The following JPH3 variants were observed in gnomAD, a reference collection of about 807,000 sequenced individuals.
JPH3 encodes junctophilin 3.
In JPH3, 11 loss-of-function variants were observed where a neutral mutation model predicts 59.6. That is an observed-to-expected ratio of 0.18 (90% CI 0.12 to 0.31). The LOEUF is 0.31. Among genes scored for constraint, JPH3 ranks in the 10% least tolerant of loss-of-function variants. The pLI, the probability that JPH3 is intolerant of heterozygous loss-of-function variation, is 1.00. For missense variants in JPH3, 1,202 were observed against 1,105.7 expected (o/e 1.09, Z -1.24); for synonymous variants, 673 against 483.6 (o/e 1.39, Z -5.14).
intron 1 of JPH3, among the ~76,000 whole-genome samples, chr16:87,641,092 C>T (rs1307963134): frequency 6.6e-6 from 1 of 152,244 alleles, no homozygotes; most frequent in African/African-American, 2.4e-5. Flanking sequence ...TCAGCTGCCC[C>T]CTCTGCCTCC....
At chr16:87,630,540 T>C (rs1205805028) in intron 1 of JPH3, among the ~76,000 whole-genome samples, 1 of 152,214 alleles carries the variant, frequency 6.6e-6, no homozygotes, top group Non-Finnish European at 1.5e-5. Flanking sequence ...GAGCCTTAGT[T>C]TCTGTGGCTG....
chr16:87,652,022 T>C (rs1194238497), intron 2 of JPH3, among the ~76,000 whole-genome samples: 1 of 151,550 alleles, frequency 6.6e-6, no homozygotes, highest in Admixed American at 6.6e-5. Flanking sequence ...TTGCCCAGGC[T>C]GGAGTGCAGT....
chr16:87,661,136 G>A (rs779619038), intron 2 of JPH3, among the ~76,000 whole-genome samples: 34 of 152,184 alleles, frequency 2.2e-4, no homozygotes, highest in Non-Finnish European at 3.4e-4. Flanking sequence ...GGCCGCCTGC[G>A]TTCCTTGGCT....
At chr16:87,668,205 C>T (rs1036794581) in intron 2 of JPH3, among the ~76,000 whole-genome samples, 12 of 152,364 alleles carry the variant, frequency 7.9e-5, no homozygotes, top group African/African-American at 2.9e-4. Flanking sequence ...GCTCTGGCCT[C>T]TTCACCAGCC....
chr16:87,615,280 G>C (rs1246461475), intron 1 of JPH3, among the ~76,000 whole-genome samples: 4 of 152,232 alleles, frequency 2.6e-5, no homozygotes, highest in Non-Finnish European at 5.9e-5. Flanking sequence ...GATTCCTATA[G>C]ACCTGGTGGA....
chr16:87,691,146 C>T (rs1183064488), intron 4 of JPH3, among the ~76,000 whole-genome samples: 1 of 152,114 alleles, frequency 6.6e-6, no homozygotes, highest in Non-Finnish European at 1.5e-5. Context: ...CAGCGTCCCC[C>T]TGGGCTAGAC....
At chr16:87,620,764 C>T (rs927284517) in intron 1 of JPH3, among the ~76,000 whole-genome samples, 9 of 152,238 alleles carry the variant, frequency 5.9e-5, no homozygotes, top group African/African-American at 1.9e-4. Flanking sequence ...TTCCCAAGGC[C>T]ACACGGTTCT....
chr16:87,696,753 G>A lies in JPH3; in HGVS notation c.*93G>A, dbSNP rs1221754000. On this transcript the variant is annotated 3_prime_UTR_variant, in exon 5 of 5. Coordinates refer to ENST00000284262, the MANE Select transcript of JPH3 (RefSeq NM_020655.4). ...CACAAGAAGGGAAAGACCGCAACTCGGACAGCCCAGCGACTTCCAAGTCCT... is the reference window on the plus strand; with the variant it reads ...CACAAGAAGGGAAAGACCGCAACTCAGACAGCCCAGCGACTTCCAAGTCCT... 1.2e-5 allele frequency: 12 copies of A among 1,001,062 alleles called. No homozygotes were observed. The highest frequency in any genetic ancestry group is 3.2e-5 in the African/African-American group (2 of 62,946). The allele number at this position is 1,001,062 out of a possible 1,614,324, so 62.0% of individuals were successfully genotyped here.
chr16:87,642,899 A>G (rs915197362), intron 1 of JPH3, among the ~76,000 whole-genome samples: 3 of 152,192 alleles, frequency 2.0e-5, no homozygotes, highest in African/African-American at 7.2e-5. Flanking sequence ...GTGGTAAGAG[A>G]AATACAGAAT....
chr16:87,671,475 G>A (rs897196360), intron 2 of JPH3, among the ~76,000 whole-genome samples: 2 of 152,186 alleles, frequency 1.3e-5, no homozygotes, highest in African/African-American at 2.4e-5. Context: ...CCTGGGTGGC[G>A]GCCGCTGTGC....
At chr16:87,663,994 G>C (rs1403613047) in intron 2 of JPH3, among the ~76,000 whole-genome samples, 4 of 152,186 alleles carry the variant, frequency 2.6e-5, no homozygotes, top group Non-Finnish European at 5.9e-5. Context: ...TGAGGGAATG[G>C]CCTTGTTTTG....
Position 87,643,823 on chromosome 16 carries a change from A to C in JPH3, c.383-435A>C, listed in dbSNP as rs1193308114. On this transcript the variant is annotated intron_variant, in intron 1 of 4. Transcript: ENST00000284262. ...AAGGTACCATGGTCTGTCTGCCTCC[A>C]CGCAAACCTCACCAGGTTTCATCAA... Among the ~76,000 whole-genome samples, 3 of 151,228 alleles carry C rather than the reference A, an allele frequency of 2.0e-5. No homozygotes were observed. The East Asian group carries it at 5.9e-4, about 30-fold the overall frequency.
At chr16:87,674,131 G>A (rs2033086258) in intron 2 of JPH3, among the ~76,000 whole-genome samples, 1 of 151,654 alleles carries the variant, frequency 6.6e-6, no homozygotes, top group Non-Finnish European at 1.5e-5. Context: ...TCAGGAGATC[G>A]AGACCATCCT....
At chr16:87,617,142 G>GAGCCTGAGGCAGGAGAATCACTTT (rs936158274) in intron 1 of JPH3, among the ~76,000 whole-genome samples, 6 of 152,202 alleles carry the variant, frequency 3.9e-5, no homozygotes, top group Admixed American at 3.9e-4. Context: ...AGAATCACTT[G>GAGCCTGAGGCAGGAGAATCACTTT]AGCCTGGGAG....
chr16:87,645,263 G>C (rs866696081), intron 2 of JPH3, among the ~76,000 whole-genome samples: 1 of 152,226 alleles, frequency 6.6e-6, no homozygotes, highest in Admixed American at 6.5e-5. Context: ...TGGGGGTGTA[G>C]AGGCCTACAG....
Position 87,603,077 on chromosome 16 carries a change from C to T in JPH3, c.-70C>T, listed in dbSNP as rs1313614679. 1.3e-6 allele frequency: 2 copies of T among 1,588,768 alleles called. No individual in the cohort carries two copies. The highest frequency in any genetic ancestry group is 4.5e-5 in the East Asian group (2 of 44,226). On this transcript the variant is annotated 5_prime_UTR_variant, in exon 1 of 5. Transcript: ENST00000284262. ...CTCGCGACCCAGGGCCGCCGGCGGC[C>T]GCGACTCTGCTGTGTCGATCGCCTG...
chr16:87,669,793 C>T (rs1027005974), intron 2 of JPH3, among the ~76,000 whole-genome samples: 1 of 152,160 alleles, frequency 6.6e-6, no homozygotes, highest in African/African-American at 2.4e-5. Context: ...TCACTGCTGA[C>T]GTGAGTGCGG....
intron 2 of JPH3, among the ~76,000 whole-genome samples, chr16:87,661,627 A>T (rs1444176543): frequency 6.6e-6 from 1 of 152,160 alleles, no homozygotes; most frequent in African/African-American, 2.4e-5. Flanking sequence ...ACCCCACTTT[A>T]TCCGGAAGGC....
Position 87,673,496 on chromosome 16 carries a change from T to A in JPH3, c.1161-10646T>A, listed in dbSNP as rs185041549. On this transcript the variant is annotated intron_variant, in intron 2 of 4. Transcript: ENST00000284262. ...TTCAACAGCGGCACTTCTGGAAGTATCTTCTGAAGATGGATTTGTGTGTGA... is the reference window on the plus strand; with the variant it reads ...TTCAACAGCGGCACTTCTGGAAGTAACTTCTGAAGATGGATTTGTGTGTGA... Among the ~76,000 whole-genome samples, 105 of 152,316 alleles carry A rather than the reference T, an allele frequency of 6.9e-4. 1 individual carries two copies. Among genetic ancestry groups the A allele is most frequent in the African/African-American group, 2.4e-3 (100 of 41,568 alleles).
Sources: gnomAD v4.1 joint callset for allele counts (sites outside exome capture counted in the v4.1 genomes callset) on GRCh38, gnomAD v4.1.1 for gene constraint, MANE v1.5 for transcripts, NCBI Gene and HGNC (gene_info 2026-07-23, HGNC 2026-07-21) for gene names.